Variants in ATAD2B observed in about 807,000 individuals in gnomAD.
The protein encoded by ATAD2B is ATPase family AAA domain-containing protein 2B.
A neutral mutation model predicts 167.6 loss-of-function variants in ATAD2B; 40 were observed. That is an observed-to-expected ratio of 0.24 (90% confidence interval 0.19 to 0.31). The LOEUF (loss-of-function observed/expected upper bound fraction) is 0.31. Among genes scored for constraint, ATAD2B ranks in the 10% least tolerant of loss-of-function variants. The probability of loss-of-function intolerance (pLI) is 1.00; values close to 1 mark genes in which losing one functional copy is unlikely to be tolerated. For missense variants in ATAD2B, 1,242 were observed against 1,757.2 expected (o/e 0.71, Z 5.24); for synonymous variants, 579 against 596.5 (o/e 0.97, Z 0.43).
chr2:23,704,101 T>G, the ATAD2B span, among the ~76,000 whole-genome samples: 1 of 152,136 alleles, frequency 6.6e-6, no homozygotes, highest in Non-Finnish European at 1.5e-5. Context: ...CCAGCAGAAA[T>G]GAACCATTTC....
At chr2:23,817,018 G>C (rs1401477971) in intron 17 of ATAD2B, among the ~76,000 whole-genome samples, 33 of 152,272 alleles carry the variant, frequency 2.2e-4, no homozygotes, top group Non-Finnish European at 1.5e-5. Context: ...CTTTTCTTCT[G>C]CATTGATCTG....
rs201801502 is a variant in ATAD2B at position 23,911,838 on chromosome 2, G to T, written c.216+14717C>A. 2.3e-4 allele frequency among the ~76,000 whole-genome samples: 35 copies of T among 152,002 alleles called. No individual in the cohort carries two copies. In the East Asian group the frequency reaches 4.3e-3, roughly 19 times the overall value. The stretch of plus-strand genomic sequence containing the variant: ...AAAAATACAAAAATTAGCCAGGTGT[G>T]GTGGTGCATGCCTGTAACCCCAGCT... On this transcript the variant is annotated intron_variant, in intron 1 of 27. Transcript: ENST00000238789.
At chr2:23,850,421 T>A (rs1692389325) in intron 13 of ATAD2B, among the ~76,000 whole-genome samples, 1 of 152,076 alleles carries the variant, frequency 6.6e-6, no homozygotes, top group African/African-American at 2.4e-5. Context: ...ATGCCTATAT[T>A]AGAAAAAAAG....
the ATAD2B span, among the ~76,000 whole-genome samples, chr2:23,734,885 T>C: frequency 6.6e-6 from 1 of 152,204 alleles, no homozygotes; most frequent in Admixed American, 6.5e-5. Flanking sequence ...TAATTTTTCT[T>C]AATATGTCTT....
the ATAD2B span, among the ~76,000 whole-genome samples, chr2:23,736,131 A>G: frequency 2.6e-5 from 4 of 152,234 alleles, no homozygotes; most frequent in Non-Finnish European, 4.4e-5. Context: ...AATAGAGAAT[A>G]CTATTAAAGT....
intron 12 of ATAD2B, among the ~76,000 whole-genome samples, chr2:23,860,863 T>C (rs1303060535): frequency 6.6e-6 from 1 of 152,048 alleles, no homozygotes; most frequent in East Asian, 1.9e-4. Flanking sequence ...CCCAGCTACT[T>C]GGGAGACTAA....
intron 7 of ATAD2B, among the ~76,000 whole-genome samples, chr2:23,879,444 C>T (rs1697525060): frequency 6.6e-6 from 1 of 151,690 alleles, no homozygotes; most frequent in African/African-American, 2.4e-5. Context: ...CCTGTTTCTA[C>T]AAAAAAAATT....
the ATAD2B span, among the ~76,000 whole-genome samples, chr2:23,685,034 T>C: frequency 2.0e-4 from 30 of 152,256 alleles, no homozygotes; most frequent in African/African-American, 7.2e-4. Flanking sequence ...GGGGCTGCTT[T>C]TCCCCAGCCC....
At chr2:23,707,930 T>G in the ATAD2B span, 5 of 152,200 alleles carry the variant, frequency 3.3e-5, no homozygotes, top group African/African-American at 1.2e-4. Context: ...GGAAAGGCCT[T>G]CCCACTTGTC....
chr2:23,706,796 T>G, the ATAD2B span: 44 of 619,198 alleles, frequency 7.1e-5, no homozygotes, highest in Admixed American at 1.2e-3. Flanking sequence ...CTCAACATGT[T>G]GAATATTCTC....
intron 2 of ATAD2B, among the ~76,000 whole-genome samples, chr2:23,892,473 CTT>C (rs549985460): frequency 2.0e-4 from 27 of 132,150 alleles, no homozygotes; most frequent in Non-Finnish European, 1.8e-4. Flanking sequence ...TTTTTCTTTT[CTT>C]TTTTTTTTTT....
intron 12 of ATAD2B, 83 bp from the exon 13 acceptor site, chr2:23,857,586 G>T: frequency 1.7e-6 from 1 of 605,932 alleles, no homozygotes; most frequent in Non-Finnish European, 2.6e-6. Flanking sequence ...GGTAATAAAA[G>T]CAAATGGTAC....
Position 23,751,980 on chromosome 2 carries a change from G to C in ATAD2B, c.*66C>G. On this transcript the variant is annotated 3_prime_UTR_variant, in exon 28 of 28. Coordinates refer to ENST00000238789, the MANE Select transcript of ATAD2B (RefSeq NM_017552.4). ...CACATAATTGGTGCAATTTGAAATT[G>C]AATGGCTCAGAAGACTGCTCTGTGA... is the stretch of plus-strand genomic sequence containing the variant. 8.0e-7 allele frequency: 1 copy of C among 1,242,272 alleles called. No individual in the cohort carries two copies. Among genetic ancestry groups the C allele is most frequent in the Admixed American group, 2.2e-5 (1 of 45,442 alleles). 77.0% of individuals were successfully genotyped at this position (1,242,272 alleles called of 1,614,324 possible).
At chr2:23,900,084 A>AT (rs1245517175) in intron 1 of ATAD2B, among the ~76,000 whole-genome samples, 1 of 146,536 alleles carries the variant, frequency 6.8e-6, no homozygotes, top group Admixed American at 6.8e-5. Context: ...CGCCCAGCTA[A>AT]TTTTTGTATT....
At chr2:23,738,389 A>G in the ATAD2B span, among the ~76,000 whole-genome samples, 2 of 152,362 alleles carry the variant, frequency 1.3e-5, no homozygotes, top group East Asian at 3.9e-4. Flanking sequence ...AGTGGGGACC[A>G]ATATTCAACA....
chr2:23,707,844 A>G, the ATAD2B span: 127,531 of 152,386 alleles, frequency 0.84, 55,457 homozygotes, highest in East Asian at 1. Flanking sequence ...GAGGGCATGA[A>G]CAGAACCACT....
intron 21 of ATAD2B, among the ~76,000 whole-genome samples, chr2:23,785,574 C>A (rs2551339): frequency 6.6e-6 from 1 of 152,024 alleles, no homozygotes; most frequent in African/African-American, 2.4e-5. Flanking sequence ...AGCATCCCAG[C>A]CACAGGCATT....
chr2:23,691,789 A>G, the ATAD2B span: 163 of 1,551,428 alleles, frequency 1.1e-4, no homozygotes, highest in Non-Finnish European at 1.3e-4. Flanking sequence ...CTCCCTGGTC[A>G]TCGACTCGGC....
At chr2:23,739,979 C>T in the ATAD2B span, among the ~76,000 whole-genome samples, 3 of 152,186 alleles carry the variant, frequency 2.0e-5, no homozygotes, top group Non-Finnish European at 4.4e-5. Flanking sequence ...TCGACACATA[C>T]ATCCTCCCAA....
Sources: allele counts gnomAD v4.1 joint callset (sites outside exome capture counted in the v4.1 genomes callset), GRCh38; gene constraint gnomAD v4.1.1; transcripts MANE v1.5; gene names NCBI Gene and HGNC (gene_info 2026-07-23, HGNC 2026-07-21).